The following MAPRE2 variants were observed in gnomAD, a reference collection of about 807,000 sequenced individuals.
MAPRE2 encodes the protein microtubule-associated protein RP/EB family member 2.
In MAPRE2, 13 loss-of-function variants were observed where a neutral mutation model predicts 43.2. The observed-to-expected ratio is 0.30, with a 90% CI of 0.20 to 0.48. The LOEUF is 0.48. Among genes scored for constraint, MAPRE2 ranks in the 20% least tolerant of loss-of-function variants. The probability of loss-of-function intolerance (pLI) is 0.99; values close to 1 mark genes in which losing one functional copy is unlikely to be tolerated. For missense variants in MAPRE2, 161 were observed against 400.2 expected (o/e 0.40, Z 5.10); for synonymous variants, 135 against 148.8 (o/e 0.91, Z 0.68).
chr18:35,016,865 T>C (rs188349226), intron 2 of MAPRE2, among the ~76,000 whole-genome samples: 3 of 152,206 alleles, frequency 2.0e-5, no homozygotes, highest in African/African-American at 4.8e-5. Flanking sequence ...AATTTAGTCA[T>C]AAATTATTCC....
upstream of MAPRE2, chr18:35,041,394 G>A: frequency 1.3e-6 from 2 of 1,501,324 alleles, no homozygotes; most frequent in South Asian, 1.3e-5. Context: ...CAGGAGGGCG[G>A]GGCGCGAGCG....
chr18:35,135,555 C>T (rs1910349571), intron 6 of MAPRE2, among the ~76,000 whole-genome samples: 1 of 152,128 alleles, frequency 6.6e-6, no homozygotes, highest in South Asian at 2.1e-4. Context: ...TAAAGCTGTA[C>T]CCTTGCCTGC....
intron 1 of MAPRE2, among the ~76,000 whole-genome samples, chr18:35,069,154 G>A: frequency 6.6e-6 from 1 of 152,124 alleles, no homozygotes; most frequent in East Asian, 1.9e-4. Context: ...GAAACTATCA[G>A]ACAACCTAGT....
intron 4 of MAPRE2, among the ~76,000 whole-genome samples, chr18:35,106,262 A>T (rs1027042638): frequency 6.6e-6 from 1 of 151,554 alleles, no homozygotes; most frequent in Non-Finnish European, 1.5e-5. Context: ...ATAGTCCTTA[A>T]TTTTTTTTTA....
chr18:35,104,769 G>A (rs115294200), intron 4 of MAPRE2, among the ~76,000 whole-genome samples: 2,100 of 152,182 alleles, frequency 0.014, 51 homozygotes, highest in African/African-American at 0.048. Flanking sequence ...GAGCTGGGGT[G>A]GAGAAAAGGG....
rs947133696 is a variant in MAPRE2, at chr18:35,127,039, C to T, written c.702C>T (p.Ser234=). 1.9e-6 allele frequency: 3 copies of T among 1,613,974 alleles called. No individual in the cohort carries two copies. Among genetic ancestry groups the T allele is most frequent in the African/African-American group, 2.7e-5 (2 of 74,896 alleles). ...GGGCTTCTTCCAGTGGCTCAGCATCCAAATCCGATAAAGATTTAGAAACGC... is the reference window on the plus strand; with the variant it reads ...GGGCTTCTTCCAGTGGCTCAGCATCTAAATCCGATAAAGATTTAGAAACGC... ...AKRASSSGSA[S]KSDKDLETQV... is the part of the protein sequence containing the mutation. The change falls in exon 5 of 7, where the codon TCC becomes TCT. Residue 234 remains serine, a synonymous_variant. Coordinates refer to ENST00000300249, the MANE Select transcript of MAPRE2 (RefSeq NM_014268.4).
At chr18:35,115,621 A>G (rs1198457185) in intron 4 of MAPRE2, among the ~76,000 whole-genome samples, 1 of 152,020 alleles carries the variant, frequency 6.6e-6, no homozygotes, top group Non-Finnish European at 1.5e-5. Context: ...AACACGCACT[A>G]TTTGATTTTT....
At chr18:35,035,333 G>A (rs1194674409) in intron 2 of MAPRE2, among the ~76,000 whole-genome samples, 6 of 150,956 alleles carry the variant, frequency 4.0e-5, no homozygotes, top group South Asian at 2.1e-4. Flanking sequence ...GGACAAAGGA[G>A]GGGGAACATC....
At chr18:35,103,494 GAGA>G (rs1316888455) in intron 4 of MAPRE2, among the ~76,000 whole-genome samples, 1 of 152,088 alleles carries the variant, frequency 6.6e-6, no homozygotes, top group Non-Finnish European at 1.5e-5. Context: ...TGACATTTAA[GAGA>G]AGATCTACAT....
At position 35,027,855 on chromosome 18, in the gene MAPRE2, A is replaced by G. The variant is rs77274321; in HGVS notation, c.-8+22302A>G. ...TGTCAGCTGTGGTGGGTGAAGATGC[A>G]GGATGCTTCCTCAGTCACATATTTG... On this transcript the variant is annotated intron_variant, in intron 2 of 7. Coordinates refer to the MAPRE2 transcript ENST00000413393. Among the ~76,000 whole-genome samples, 1,114 of 152,244 alleles carry G rather than the reference A, an allele frequency of 7.3e-3. 14 individuals carry two copies. The highest frequency in any genetic ancestry group is 0.025 in the African/African-American group (1,034 of 41,534).
chr18:35,066,276 A>G (rs897152974), intron 1 of MAPRE2, among the ~76,000 whole-genome samples: 3 of 152,202 alleles, frequency 2.0e-5, no homozygotes, highest in African/African-American at 4.8e-5. Context: ...CCACTTTTGT[A>G]AGGGAAGAGT....
chr18:35,106,639 C>G (rs1908921184), intron 4 of MAPRE2, among the ~76,000 whole-genome samples: 1 of 152,030 alleles, frequency 6.6e-6, no homozygotes, highest in Non-Finnish European at 1.5e-5. Context: ...CATTTTGATA[C>G]AGATAAAAGC....
chr18:35,113,484 G>A (rs1206249709), intron 4 of MAPRE2, among the ~76,000 whole-genome samples: 1 of 152,158 alleles, frequency 6.6e-6, no homozygotes, highest in Non-Finnish European at 1.5e-5. Context: ...AAACTAGAGT[G>A]TTTTAAAGCT....
intron 2 of MAPRE2, among the ~76,000 whole-genome samples, chr18:35,077,247 GCGCACACACA>G (rs1386004091): frequency 1.7e-5 from 2 of 116,876 alleles, no homozygotes; most frequent in African/African-American, 4.2e-5. Flanking sequence ...GCGTGCGCGC[GCGCACACACA>G]CACACACACA....
intron 1 of MAPRE2, among the ~76,000 whole-genome samples, chr18:35,002,749 T>G (rs2097029974): frequency 6.6e-6 from 1 of 152,256 alleles, no homozygotes; most frequent in African/African-American, 2.4e-5. Context: ...TTTCCCATTT[T>G]CCGACTAAGT....
chr18:35,089,315 A>T (rs543969455), intron 2 of MAPRE2, among the ~76,000 whole-genome samples: 2 of 152,378 alleles, frequency 1.3e-5, no homozygotes, highest in East Asian at 3.9e-4. Flanking sequence ...ATTGGATTTT[A>T]TTGAAATATA....
intron 1 of MAPRE2, among the ~76,000 whole-genome samples, chr18:34,999,214 C>T (rs2097028127): frequency 6.6e-6 from 1 of 152,042 alleles, no homozygotes; most frequent in Non-Finnish European, 1.5e-5. Context: ...GCTTACGACT[C>T]TATTTTCAAA....
chr18:35,139,255 G>A (rs1238439276), intron 6 of MAPRE2, among the ~76,000 whole-genome samples: 1 of 152,182 alleles, frequency 6.6e-6, no homozygotes, highest in African/African-American at 2.4e-5. Context: ...CGTGCCAGGT[G>A]TGCGAGGCAT....
rs1033017050 is a variant in MAPRE2 at position 35,119,270 on chromosome 18, C to G, written c.611-7678C>G. 3.3e-5 allele frequency among the ~76,000 whole-genome samples: 5 copies of G among 152,272 alleles called. No individual in the cohort carries two copies. The East Asian group carries it at 5.8e-4, about 18-fold the overall frequency. ...ATGGGTCTGAGTTGAAAAACTGAAA[C>G]TGGAGGAAGACCCATAGTGGATGCT... On this transcript the variant is annotated intron_variant, in intron 4 of 6. Transcript: ENST00000300249.
Sources: allele counts gnomAD v4.1 joint callset (sites outside exome capture counted in the v4.1 genomes callset), GRCh38; gene constraint gnomAD v4.1.1; transcripts MANE v1.5; gene names NCBI Gene and HGNC (gene_info 2026-07-23, HGNC 2026-07-21).